MFHAS1: variants seen among roughly 807,000 people sequenced by gnomAD.
MFHAS1 encodes malignant fibrous histiocytoma-amplified sequence 1.
In MFHAS1, 50 loss-of-function variants were observed where a neutral mutation model predicts 70.4. The observed-to-expected ratio is 0.71, with a 90% CI of 0.57 to 0.90. The LOEUF (loss-of-function observed/expected upper bound fraction) is 0.90, where lower values mean the gene tolerates loss of function less well. Among genes scored for constraint, MFHAS1 ranks in the 40% least tolerant of loss-of-function variants. MFHAS1 has a pLI of 0.00. For missense variants in MFHAS1, 1,795 were observed against 1,347.6 expected (o/e 1.33, Z -5.20); for synonymous variants, 952 against 620.0 (o/e 1.54, Z -7.96).
intron 1 of MFHAS1, among the ~76,000 whole-genome samples, chr8:8,799,710 C>G (rs1354882160): frequency 6.6e-6 from 1 of 152,132 alleles, no homozygotes; most frequent in East Asian, 1.9e-4. Flanking sequence ...GAGCTGAGAT[C>G]AGGCCACTGC....
intron 1 of MFHAS1, among the ~76,000 whole-genome samples, chr8:8,813,101 C>T (rs1806612307): frequency 6.6e-6 from 1 of 152,130 alleles, no homozygotes; most frequent in Admixed American, 6.5e-5. Context: ...TGGTAGACCC[C>T]ACATTTATAA....
chr8:8,868,756 T>C (rs772057615), intron 1 of MFHAS1, among the ~76,000 whole-genome samples: 2 of 152,180 alleles, frequency 1.3e-5, no homozygotes, highest in African/African-American at 4.8e-5. Flanking sequence ...AAAGAAGTTA[T>C]AAATGACTAT....
chr8:8,814,658 A>C (rs1366488730), intron 1 of MFHAS1, among the ~76,000 whole-genome samples: 1 of 152,216 alleles, frequency 6.6e-6, no homozygotes, highest in African/African-American at 2.4e-5. Flanking sequence ...CCTATGTGCC[A>C]AATATGTAAA....
rs1241951789 is a variant in MFHAS1, at chr8:8,890,887, C to T, written c.2172G>A (p.Glu724=). ...LYFEDSPALK[E]HVFHNLTRLI... ...GGCGGGTGAGGTTGTGGAAGACGTGCTCCTTGAGAGCCGGACTGTCCTCAA... is the reference window on the plus strand; with the variant it reads ...GGCGGGTGAGGTTGTGGAAGACGTGTTCCTTGAGAGCCGGACTGTCCTCAA... The change falls in exon 1 of 3, where the codon GAG becomes GAA. Residue 724 remains glutamate (E), a synonymous_variant. Transcript: ENST00000276282. 3.1e-6 allele frequency: 5 copies of T among 1,614,128 alleles called. No individual in the cohort carries two copies. The East Asian group carries it at 1.1e-4, about 36-fold the overall frequency.
chr8:8,887,110 G>C (rs973950616), intron 1 of MFHAS1, among the ~76,000 whole-genome samples: 1 of 152,136 alleles, frequency 6.6e-6, no homozygotes, highest in African/African-American at 2.4e-5. Flanking sequence ...CTGGGCAACA[G>C]AGCAAGACTC....
At chr8:8,847,873 G>C (rs1329362541) in intron 1 of MFHAS1, among the ~76,000 whole-genome samples, 1 of 152,104 alleles carries the variant, frequency 6.6e-6, no homozygotes, top group Non-Finnish European at 1.5e-5. Flanking sequence ...CCATGTTGCT[G>C]AACAACCTCA....
At chr8:8,821,330 T>C (rs1200686498) in intron 1 of MFHAS1, among the ~76,000 whole-genome samples, 4 of 152,188 alleles carry the variant, frequency 2.6e-5, no homozygotes, top group Non-Finnish European at 5.9e-5. Context: ...CTAAGCCTAT[T>C]TCCACCCTGC....
chr8:8,828,043 G>T (rs1370594449), intron 1 of MFHAS1, among the ~76,000 whole-genome samples: 1 of 151,974 alleles, frequency 6.6e-6, no homozygotes, highest in Non-Finnish European at 1.5e-5. Flanking sequence ...ACTTCCCCCG[G>T]TGATTAGGAA....
At chr8:8,850,005 G>A (rs1226944356) in intron 1 of MFHAS1, among the ~76,000 whole-genome samples, 1 of 152,244 alleles carries the variant, frequency 6.6e-6, no homozygotes, top group Admixed American at 6.5e-5. Flanking sequence ...AAGCCTCAGA[G>A]AGAGTTTGAA....
At chr8:8,797,249 C>T in intron 2 of MFHAS1, 116 bp downstream of exon 2, 1 of 1,180,684 alleles carries the variant, frequency 8.5e-7, no homozygotes, top group Non-Finnish European at 1.2e-6. Flanking sequence ...TATGTCTGTT[C>T]AGGAGGACTT....
At chr8:8,862,331 A>C (rs1300894742) in intron 1 of MFHAS1, among the ~76,000 whole-genome samples, 1 of 150,448 alleles carries the variant, frequency 6.6e-6, no homozygotes, top group Non-Finnish European at 1.5e-5. Flanking sequence ...ATATTTTGGA[A>C]AATCTCTATT....
At chr8:8,793,845 T>C (rs1241139218) in intron 2 of MFHAS1, among the ~76,000 whole-genome samples, 1 of 152,242 alleles carries the variant, frequency 6.6e-6, no homozygotes, top group Admixed American at 6.5e-5. Flanking sequence ...TAGTGACTCA[T>C]GCCTGGTCCC....
intron 1 of MFHAS1, among the ~76,000 whole-genome samples, chr8:8,829,873 G>C (rs1259906404): frequency 6.6e-6 from 1 of 152,210 alleles, no homozygotes; most frequent in Non-Finnish European, 1.5e-5. Context: ...TGCCTCACGT[G>C]AGGTCACGTT....
chr8:8,804,230 T>A (rs1167161563), intron 1 of MFHAS1, among the ~76,000 whole-genome samples: 1 of 152,084 alleles, frequency 6.6e-6, no homozygotes, highest in African/African-American at 2.4e-5. Context: ...TATGACCCTC[T>A]CCTAGAACCG....
At chr8:8,801,950 C>A (rs964277374) in intron 1 of MFHAS1, among the ~76,000 whole-genome samples, 2 of 152,194 alleles carry the variant, frequency 1.3e-5, no homozygotes, top group African/African-American at 4.8e-5. Context: ...AACACTTAGA[C>A]GAAGGACCCA....
intron 1 of MFHAS1, among the ~76,000 whole-genome samples, chr8:8,839,143 A>C (rs1373746627): frequency 6.6e-6 from 1 of 152,188 alleles, no homozygotes; most frequent in East Asian, 1.9e-4. Flanking sequence ...TAGTATTATA[A>C]ATCTGCCTCT....
In MFHAS1 at chr8:8,890,917, G is replaced by C. The variant is rs1172743302; in HGVS notation, c.2142C>G (p.Leu714=). 2.5e-6 allele frequency: 4 copies of C among 1,614,098 alleles called. No individual in the cohort carries two copies. Among genetic ancestry groups the C allele is most frequent in the Non-Finnish European group, 2.5e-6 (3 of 1,180,030 alleles). The part of the protein sequence containing the change: ...LSYLHESGKL[L]YFEDSPALKE... The stretch of plus-strand genomic sequence containing the variant: ...TGAGAGCCGGACTGTCCTCAAAGTA[G>C]AGTAGCTTGCCGCTCTCATGCAGGT... Residue 714 remains leucine, a synonymous_variant, in exon 1 of 3, where the codon CTC becomes CTG. Coordinates refer to ENST00000276282, the MANE Select transcript of MFHAS1 (RefSeq NM_004225.3).
At chr8:8,841,178 C>A (rs1807807473) in intron 1 of MFHAS1, among the ~76,000 whole-genome samples, 1 of 152,166 alleles carries the variant, frequency 6.6e-6, no homozygotes, top group East Asian at 1.9e-4. Flanking sequence ...GGCTGTACTT[C>A]AAGACTTCTT....
At chr8:8,872,148 G>A (rs565508330) in intron 1 of MFHAS1, among the ~76,000 whole-genome samples, 3 of 152,226 alleles carry the variant, frequency 2.0e-5, no homozygotes, top group African/African-American at 7.2e-5. Context: ...GGGAGCATGT[G>A]ACTGTGCACG....
Sources: gnomAD v4.1 joint callset for allele counts (sites outside exome capture counted in the v4.1 genomes callset) on GRCh38, gnomAD v4.1.1 for gene constraint, MANE v1.5 for transcripts, NCBI Gene and HGNC (gene_info 2026-07-23, HGNC 2026-07-21) for gene names.